FAT3: variants seen among roughly 807,000 people sequenced by gnomAD.
The protein encoded by FAT3 is FAT atypical cadherin 3.
A neutral mutation model predicts 310.2 loss-of-function variants in FAT3; 95 were observed. The observed-to-expected ratio is 0.31, with a 90% confidence interval of 0.26 to 0.36. The LOEUF (loss-of-function observed/expected upper bound fraction) is 0.36, where lower values mean the gene tolerates loss of function less well. FAT3 is among the 10% of genes least tolerant of loss of function. The pLI, the probability that FAT3 is intolerant of heterozygous loss-of-function variation, is 1.00. For missense variants in FAT3, 5,408 were observed against 5,715.6 expected (o/e 0.95, Z 1.74); for synonymous variants, 2,314 against 2,192.9 (o/e 1.06, Z -1.54).
At chr11:92,746,720 G>T (rs1945682585) in intron 4 of FAT3, among the ~76,000 whole-genome samples, 1 of 152,180 alleles carries the variant, frequency 6.6e-6, no homozygotes, top group Non-Finnish European at 1.5e-5. Flanking sequence ...ATACAATGGG[G>T]GTACAGGTAT....
At chr11:92,389,835 A>G (rs1403543069) in intron 2 of FAT3, among the ~76,000 whole-genome samples, 1 of 152,142 alleles carries the variant, frequency 6.6e-6, no homozygotes, top group Non-Finnish European at 1.5e-5. Flanking sequence ...AATTAGAGCA[A>G]CGTAACACAC....
chr11:92,610,435 T>C (rs1940508572), intron 3 of FAT3, among the ~76,000 whole-genome samples: 1 of 152,250 alleles, frequency 6.6e-6, no homozygotes, highest in African/African-American at 2.4e-5. Flanking sequence ...ATTTTTAAAG[T>C]ATTAAGCTGT....
chr11:92,561,742 C>T (rs1272621991), intron 3 of FAT3, among the ~76,000 whole-genome samples: 1 of 152,174 alleles, frequency 6.6e-6, no homozygotes, highest in African/African-American at 2.4e-5. Flanking sequence ...TCTCCTGCCT[C>T]AGCCTCCCAA....
intron 1 of FAT3, among the ~76,000 whole-genome samples, chr11:92,246,272 A>G (rs530843144): frequency 7.9e-4 from 121 of 152,244 alleles, no homozygotes; most frequent in Non-Finnish European, 1.6e-3. Flanking sequence ...GCTACGAGGA[A>G]AACAAATATG....
intron 1 of FAT3, among the ~76,000 whole-genome samples, chr11:92,304,754 G>T (rs137900387): frequency 1.3e-3 from 197 of 152,168 alleles, no homozygotes; most frequent in African/African-American, 4.6e-3. Flanking sequence ...GTGAGACAGG[G>T]CACAAATGAA....
Position 92,844,578 on chromosome 11 carries a change from C to T in FAT3, c.11211C>T (p.Ala3737=). ...TGGAGAATATCATGCGCATCTCAGC[C>T]ATCTTGGAGAAGAACTGCTCAGGGC... ...RHLENIMRIS[A]ILEKNCSGLD... The change falls in exon 19 of 28, where the codon GCC becomes GCT. Residue 3737 remains alanine (A), a synonymous_variant. Transcript: ENST00000525166. The T allele has an allele frequency of 1.2e-6, 2 of 1,613,988 alleles. No individual in the cohort carries two copies. Among genetic ancestry groups the T allele is most frequent in the Non-Finnish European group, 8.5e-7 (1 of 1,179,898 alleles).
At chr11:92,675,923 A>G (rs989593302) in intron 3 of FAT3, among the ~76,000 whole-genome samples, 1 of 152,092 alleles carries the variant, frequency 6.6e-6, no homozygotes, top group African/African-American at 2.4e-5. Context: ...CAAGTGAGAA[A>G]ACTATAAAGA....
chr11:92,720,716 A>ACT (rs1026990076), intron 4 of FAT3, among the ~76,000 whole-genome samples: 2 of 151,810 alleles, frequency 1.3e-5, no homozygotes, highest in African/African-American at 4.8e-5. Context: ...CTGTAATTTA[A>ACT]CTCTTCTTCA....
chr11:92,599,140 T>C (rs1167751442), intron 3 of FAT3, among the ~76,000 whole-genome samples: 3 of 152,158 alleles, frequency 2.0e-5, no homozygotes, highest in Non-Finnish European at 2.9e-5. Flanking sequence ...CTCAAGGGAA[T>C]TGTATTAGTC....
At chr11:92,277,613 C>T (rs1452717824) in intron 1 of FAT3, among the ~76,000 whole-genome samples, 2 of 152,078 alleles carry the variant, frequency 1.3e-5, no homozygotes, top group Non-Finnish European at 2.9e-5. Context: ...GAGTAAAAAA[C>T]CAAATACGGA....
At chr11:92,268,746 T>C (rs1565190963) in intron 1 of FAT3, among the ~76,000 whole-genome samples, 1 of 152,178 alleles carries the variant, frequency 6.6e-6, no homozygotes, top group African/African-American at 2.4e-5. Flanking sequence ...GACTAAAATA[T>C]AAGTTACCAT....
At chr11:92,306,613 ATATATTTATAT>A (rs1464588506) in intron 1 of FAT3, among the ~76,000 whole-genome samples, 46 of 124,186 alleles carry the variant, frequency 3.7e-4, no homozygotes, top group East Asian at 3.4e-3. Flanking sequence ...TATTTATATT[ATATATTTATAT>A]TATATTTATA....
chr11:92,648,346 G>A (rs1383287161), intron 3 of FAT3, among the ~76,000 whole-genome samples: 3 of 152,180 alleles, frequency 2.0e-5, no homozygotes, highest in Admixed American at 1.3e-4. Context: ...GCATATAAGT[G>A]GCACCTTTGA....
intron 2 of FAT3, among the ~76,000 whole-genome samples, chr11:92,434,784 C>T (rs11019955): frequency 0.08 from 12,203 of 152,214 alleles, 706 homozygotes; most frequent in African/African-American, 0.16. Context: ...CATTACTTGA[C>T]ATGTAGCAAG....
chr11:92,345,173 A>G (rs1036079872), intron 1 of FAT3, among the ~76,000 whole-genome samples: 7 of 152,024 alleles, frequency 4.6e-5, no homozygotes, highest in Non-Finnish European at 1.0e-4. Flanking sequence ...TGTTCATTTC[A>G]TCTTCTCCCT....
At chr11:92,325,573 T>C (rs573243986) in intron 1 of FAT3, among the ~76,000 whole-genome samples, 2 of 152,200 alleles carry the variant, frequency 1.3e-5, no homozygotes, top group South Asian at 4.1e-4. Flanking sequence ...TAAAATTGTG[T>C]CTGTGCTTTG....
intron 1 of FAT3, among the ~76,000 whole-genome samples, chr11:92,302,389 G>A (rs1052842086): frequency 3.3e-5 from 5 of 151,800 alleles, no homozygotes; most frequent in Non-Finnish European, 2.9e-5. Flanking sequence ...TTATTGTGTC[G>A]ATATAAATTG....
chr11:92,484,680 A>T (rs1952324173), intron 2 of FAT3, among the ~76,000 whole-genome samples: 1 of 152,198 alleles, frequency 6.6e-6, no homozygotes, highest in Non-Finnish European at 1.5e-5. Flanking sequence ...CCCACAGCTT[A>T]TTGTTTGTAA....
At chr11:92,497,696 C>G (rs1161058655) in intron 2 of FAT3, among the ~76,000 whole-genome samples, 3 of 151,938 alleles carry the variant, frequency 2.0e-5, no homozygotes, top group Non-Finnish European at 4.4e-5. Context: ...ATCAATAGGA[C>G]AAGGATACTA....
Sources: allele counts gnomAD v4.1 joint callset (sites outside exome capture counted in the v4.1 genomes callset), GRCh38; gene constraint gnomAD v4.1.1; transcripts MANE v1.5; gene names NCBI Gene and HGNC (gene_info 2026-07-23, HGNC 2026-07-21).